CCDC30: variants seen among roughly 807,000 people sequenced by gnomAD.
CCDC30 encodes coiled-coil domain containing 30, also known as coiled-coil domain-containing protein 30.
Under a neutral mutation model 100.2 loss-of-function variants are expected in CCDC30, and 70 were observed. The observed-to-expected ratio is 0.70, with a 90% CI of 0.58 to 0.85. The LOEUF is 0.85. CCDC30 is among the 40% of genes least tolerant of loss of function. The pLI is 0.00. For missense variants in CCDC30, 652 were observed against 771.2 expected, an observed-to-expected ratio of 0.85 and a Z score of 1.83; for synonymous variants, 233 against 269.5, an observed-to-expected ratio of 0.86 and a Z score of 1.33.
intron 6 of CCDC30, among the ~76,000 whole-genome samples, chr1:42,499,565 T>G (rs994549069): frequency 3.9e-5 from 6 of 152,124 alleles, no homozygotes; most frequent in African/African-American, 1.4e-4. Context: ...AGCCTCAACC[T>G]TCCAGGCCCA....
In CCDC30 at chr1:42,596,774, A is replaced by G. The variant is rs1187741820; in HGVS notation, c.1164+7291A>G. On this transcript the variant is annotated intron_variant, in intron 10 of 16. Coordinates refer to ENST00000668663, the Ensembl canonical transcript of CCDC30. This position sits in a 1 kb window ranked among gnomAD's most constrained non-coding sequence, Gnocchi z 4.3. ...ACAAACAAACAAAAACAGTTTGAACAGACAGAGCAAGCATTAGAACCAGGC... is the reference window on the plus strand; with the variant it reads ...ACAAACAAACAAAAACAGTTTGAACGGACAGAGCAAGCATTAGAACCAGGC... 6.6e-6 allele frequency among the ~76,000 whole-genome samples: 1 copy of G among 152,158 alleles called. No individual in the cohort carries two copies. The highest frequency in any genetic ancestry group is 2.4e-5 in the African/African-American group (1 of 41,444).
intron 1 of CCDC30, among the ~76,000 whole-genome samples, chr1:42,469,584 A>G (rs1643699131): frequency 6.6e-6 from 1 of 152,114 alleles, no homozygotes; most frequent in Non-Finnish European, 1.5e-5. Flanking sequence ...AGAAAAGGAG[A>G]TAAGGAACAT....
chr1:42,624,119 G>C (rs1646889643), intron 11 of CCDC30, among the ~76,000 whole-genome samples: 1 of 152,034 alleles, frequency 6.6e-6, no homozygotes, highest in African/African-American at 2.4e-5. Context: ...ATGAGTTCTA[G>C]TACTTCTTTA....
intron 6 of CCDC30, among the ~76,000 whole-genome samples, chr1:42,528,486 C>T (rs1054697749): frequency 6.6e-6 from 1 of 152,144 alleles, no homozygotes; most frequent in Admixed American, 6.5e-5. Context: ...CCAGGGAAAG[C>T]CTTCAGATCA....
intron 13 of CCDC30, 123 bp from the exon 18 acceptor site, chr1:42,644,570 C>G: frequency 1.6e-6 from 1 of 628,106 alleles, no homozygotes; most frequent in Non-Finnish European, 2.8e-6. Flanking sequence ...TTCTGTCAAA[C>G]TTGCTTCTAA....
intron 6 of CCDC30, among the ~76,000 whole-genome samples, chr1:42,546,630 A>G (rs1439826586): frequency 1.3e-5 from 2 of 151,586 alleles, no homozygotes; most frequent in South Asian, 2.1e-4. Flanking sequence ...AATTATGACT[A>G]TACTCTGCAG....
chr1:42,589,483 G>A (rs1480168393), exon 10 of CCDC30: 1 of 1,611,154 alleles, frequency 6.2e-7, no homozygotes, highest in African/African-American at 1.3e-5. Context: ...AATATGATGA[G>A]GTAAGAAAGT....
At chr1:42,466,516 C>T (rs1462373775) in intron 1 of CCDC30, among the ~76,000 whole-genome samples, 1 of 151,418 alleles carries the variant, frequency 6.6e-6, no homozygotes, top group African/African-American at 2.4e-5. Flanking sequence ...TTAGTATCTA[C>T]TTTGGACAGA....
At chr1:42,539,333 A>C (rs200729117) in intron 6 of CCDC30, 23 bp downstream of exon 8, 13 of 1,574,626 alleles carry the variant, frequency 8.3e-6, no homozygotes, top group Non-Finnish European at 1.1e-5. Flanking sequence ...TAGGTATTTA[A>C]ATGTTCAATA....
chr1:42,518,273 TGTTA>T (rs2148499741), intron 6 of CCDC30, among the ~76,000 whole-genome samples: 2 of 152,320 alleles, frequency 1.3e-5, no homozygotes, highest in Admixed American at 1.3e-4. Flanking sequence ...GATTGTTCAT[TGTTA>T]GAGTATAGAA....
chr1:42,542,542 T>TAATAAAGACAGGG (rs1274864091), intron 6 of CCDC30, among the ~76,000 whole-genome samples: 1 of 106,226 alleles, frequency 9.4e-6, no homozygotes, highest in Non-Finnish European at 2.0e-5. Context: ...AATTTTTCTT[T>TAATAAAGACAGGG]TTTTTTTTTT....
At position 42,637,299 on chromosome 1, in the gene CCDC30, C is replaced by T. The variant is rs200992789; in HGVS notation, c.1340C>T (p.Thr447Ile). The change falls in exon 12 of 17, where the codon ACT becomes ATT. Residue 447 changes from threonine (T) to isoleucine (I), a missense_variant. Transcript: ENST00000668663. Reference sequence around the variant, plus strand: ...CTTCAAAAAGTCAAGTATCGTTTAACTAATGAAGTAGAACTACGAGATAAG... The same window carrying T: ...CTTCAAAAAGTCAAGTATCGTTTAATTAATGAAGTAGAACTACGAGATAAG... The T allele has an allele frequency of 7.5e-5, 118 of 1,582,308 alleles. No individual in the cohort carries two copies. Among genetic ancestry groups the T allele is most frequent in the East Asian group, 3.6e-4 (16 of 44,514 alleles).
intron 1 of CCDC30, among the ~76,000 whole-genome samples, chr1:42,469,657 G>A (rs995495836): frequency 1.2e-4 from 19 of 152,134 alleles, no homozygotes; most frequent in Admixed American, 1.3e-4. Flanking sequence ...ACAGGTAAAG[G>A]GATTAACCTT....
At chr1:42,602,293 A>AT (rs975675778) in intron 10 of CCDC30, among the ~76,000 whole-genome samples, 7 of 151,502 alleles carry the variant, frequency 4.6e-5, no homozygotes, top group African/African-American at 1.5e-4. Flanking sequence ...TAAAAAAAAA[A>AT]TTTTGAAGAA....
chr1:42,637,108 A>G, intron 11 of CCDC30, 129 bp from the exon 16 acceptor site: 1 of 685,930 alleles, frequency 1.5e-6, no homozygotes, highest in South Asian at 1.9e-5. Flanking sequence ...AGGCAGGATA[A>G]GTATCCACAT....
chr1:42,554,860 TCCC>T (rs1354867283), intron 6 of CCDC30, among the ~76,000 whole-genome samples: 2 of 151,986 alleles, frequency 1.3e-5, no homozygotes, highest in Non-Finnish European at 2.9e-5. Context: ...CCTCTTACTT[TCCC>T]CTTTCTCCCT....
At chr1:42,456,860 C>G in the CCDC30 span, 1 of 1,613,514 alleles carries the variant, frequency 6.2e-7, no homozygotes. Context: ...CTTCCCACCC[C>G]AGACTTGGCT....
At chr1:42,621,853 C>T (rs926903234) in intron 11 of CCDC30, among the ~76,000 whole-genome samples, 1 of 152,002 alleles carries the variant, frequency 6.6e-6, no homozygotes, top group Non-Finnish European at 1.5e-5. Flanking sequence ...TACTATGTTG[C>T]CCAGGCTGGT....
At chr1:42,547,405 A>G (rs1645166354) in intron 6 of CCDC30, among the ~76,000 whole-genome samples, 1 of 152,234 alleles carries the variant, frequency 6.6e-6, no homozygotes, top group Non-Finnish European at 1.5e-5. Context: ...AGTGGCAATG[A>G]AGATGAAATG....
Sources: allele counts gnomAD v4.1 joint callset (sites outside exome capture counted in the v4.1 genomes callset), GRCh38; gene constraint gnomAD v4.1.1; non-coding constraint Gnocchi (gnomAD v3.1); transcripts MANE v1.5; gene names NCBI Gene and HGNC (gene_info 2026-07-23, HGNC 2026-07-21).